SEMA3D: variants seen among roughly 807,000 people sequenced by gnomAD.
SEMA3D encodes the protein semaphorin-3D.
SEMA3D carries 84 observed loss-of-function variants against 100.1 expected under a neutral mutation model. That is an observed-to-expected ratio of 0.84 (90% confidence interval 0.70 to 1.01). The LOEUF (loss-of-function observed/expected upper bound fraction) is 1.01, where lower values mean the gene tolerates loss of function less well. Ranked by LOEUF, SEMA3D falls within the 50% of genes least tolerant of loss-of-function variation. The pLI is 0.00. For synonymous variants in SEMA3D, 312 were observed against 320.7 expected (o/e 0.97, Z 0.29); for missense variants, 875 against 934.1 (o/e 0.94, Z 0.82).
chr7:85,051,799 T>C (rs1377618752), intron 9 of SEMA3D, among the ~76,000 whole-genome samples: 1 of 151,980 alleles, frequency 6.6e-6, no homozygotes, highest in African/African-American at 2.4e-5. Context: ...TCTTTGCACA[T>C]GTTCCTGGTC....
At chr7:85,050,725 G>A in intron 9 of SEMA3D, 1 of 520,810 alleles carries the variant, frequency 1.9e-6, no homozygotes, top group Non-Finnish European at 3.4e-6. Context: ...TCAGAAATAA[G>A]ATCAATCTTC....
At chr7:85,053,184 C>A (rs974820831) in intron 9 of SEMA3D, among the ~76,000 whole-genome samples, 8 of 151,808 alleles carry the variant, frequency 5.3e-5, no homozygotes, top group Non-Finnish European at 7.4e-5. Context: ...GCTGGTGGAA[C>A]AAATAGAATA....
chr7:85,068,211 G>C lies in SEMA3D; in HGVS notation c.569C>G (p.Pro190Arg), dbSNP rs772215637. The change falls in exon 7 of 19, where the codon CCT becomes CGT. Residue 190 changes from proline to arginine, a missense_variant. Transcript: ENST00000284136. ...CTTACCTGTCATTACTGAAGCAAAA[G>C]GCTGCTGAGGATCGAAAGGACATTT... ...RLKCPFDPQQ[P>R]FASVMTDEYL... The C allele has an allele frequency of 1.2e-6, 2 of 1,602,956 alleles. No homozygotes were observed. The highest frequency in any genetic ancestry group is 1.7e-5 in the Admixed American group (1 of 59,970).
intron 2 of SEMA3D, among the ~76,000 whole-genome samples, chr7:85,125,907 T>C (rs1789554664): frequency 6.6e-6 from 1 of 151,984 alleles, no homozygotes; most frequent in Admixed American, 6.6e-5. Flanking sequence ...GCATAGGTTA[T>C]ACTGCATGCT....
At chr7:85,115,946 T>A (rs75290390) in intron 3 of SEMA3D, among the ~76,000 whole-genome samples, 1,573 of 152,252 alleles carry the variant, frequency 0.01, 10 homozygotes, top group Non-Finnish European at 0.015. Flanking sequence ...CAAGCTTAAA[T>A]TTTTCCACAG....
At chr7:85,220,589 C>T in the SEMA3D span, among the ~76,000 whole-genome samples, 3 of 151,982 alleles carry the variant, frequency 2.0e-5, no homozygotes, top group Admixed American at 2.0e-4. Context: ...GCTAATTAAA[C>T]TTCTCTGGAT....
the SEMA3D span, among the ~76,000 whole-genome samples, chr7:85,201,849 C>T: frequency 1.3e-5 from 2 of 151,846 alleles, no homozygotes; most frequent in African/African-American, 4.8e-5. Context: ...CCTTAGCTTC[C>T]TGAGTAGCTG....
At chr7:85,112,233 ATTTG>A (rs1010424651) in intron 3 of SEMA3D, among the ~76,000 whole-genome samples, 12 of 152,196 alleles carry the variant, frequency 7.9e-5, no homozygotes, top group African/African-American at 2.9e-4. Flanking sequence ...CAGCTAAATA[ATTTG>A]TAAATTACAG....
intron 1 of SEMA3D, among the ~76,000 whole-genome samples, chr7:85,175,299 C>G (rs1369980929): frequency 6.6e-6 from 1 of 152,176 alleles, no homozygotes; most frequent in Non-Finnish European, 1.5e-5. Context: ...TCTAAACAAT[C>G]AACATCCAGA....
intron 18 of SEMA3D, among the ~76,000 whole-genome samples, chr7:85,004,978 G>T (rs996621810): frequency 6.6e-6 from 1 of 151,798 alleles, no homozygotes; most frequent in African/African-American, 2.4e-5. Flanking sequence ...GTAATGCACA[G>T]AATTTTCAAG....
At chr7:85,241,467 G>GTA in the SEMA3D span, among the ~76,000 whole-genome samples, 21,969 of 92,602 alleles carry the variant, frequency 0.24, 3,205 homozygotes, top group Admixed American at 0.28. Flanking sequence ...CTGTGTGTGT[G>GTA]TATATATATA....
the SEMA3D span, among the ~76,000 whole-genome samples, chr7:85,230,266 C>T: frequency 1.3e-5 from 2 of 152,144 alleles, no homozygotes; most frequent in African/African-American, 2.4e-5. Context: ...CTGCTTATGA[C>T]CAGCCTTTTC....
At chr7:85,057,952 A>C (rs1791368832) in intron 8 of SEMA3D, among the ~76,000 whole-genome samples, 1 of 152,122 alleles carries the variant, frequency 6.6e-6, no homozygotes, top group African/African-American at 2.4e-5. Flanking sequence ...AAGTAAATAA[A>C]AAGTTAACGT....
At chr7:85,081,230 T>A (rs1299058313) in intron 5 of SEMA3D, among the ~76,000 whole-genome samples, 2 of 152,316 alleles carry the variant, frequency 1.3e-5, no homozygotes, top group Non-Finnish European at 1.5e-5. Flanking sequence ...GATGGTTTAT[T>A]TTTGAATACT....
chr7:85,111,943 T>G (rs2116367966), intron 3 of SEMA3D, among the ~76,000 whole-genome samples: 1 of 152,232 alleles, frequency 6.6e-6, no homozygotes, highest in South Asian at 2.1e-4. Context: ...ATGACTAGCT[T>G]AAGCATTTGT....
chr7:85,191,914 A>G (rs1203444215), upstream of SEMA3D, among the ~76,000 whole-genome samples: 1 of 152,162 alleles, frequency 6.6e-6, no homozygotes, highest in African/African-American at 2.4e-5. Flanking sequence ...ATAGACTTAA[A>G]CCATCAGTTT....
At chr7:85,032,050 C>T (rs1033605383) in intron 12 of SEMA3D, among the ~76,000 whole-genome samples, 1 of 151,868 alleles carries the variant, frequency 6.6e-6, no homozygotes, top group Admixed American at 6.6e-5. Context: ...AATTCAACAT[C>T]CCTCTTCATT....
intron 6 of SEMA3D, among the ~76,000 whole-genome samples, chr7:85,071,595 T>A (rs1242742797): frequency 6.6e-6 from 1 of 152,186 alleles, no homozygotes. Context: ...TGTGTGAACA[T>A]CACAGAGTGC....
chr7:85,090,638 A>G (rs1489704928), intron 4 of SEMA3D, among the ~76,000 whole-genome samples: 1 of 152,194 alleles, frequency 6.6e-6, no homozygotes, highest in Non-Finnish European at 1.5e-5. Context: ...TAGACTTCTT[A>G]GAAGCTAAAG....
Sources: allele counts gnomAD v4.1 joint callset (sites outside exome capture counted in the v4.1 genomes callset), GRCh38; gene constraint gnomAD v4.1.1; transcripts MANE v1.5; gene names NCBI Gene and HGNC (gene_info 2026-07-23, HGNC 2026-07-21).